Variants in MAN2A1 observed in about 807,000 individuals in gnomAD.
MAN2A1 encodes the protein alpha-mannosidase 2.
MAN2A1 carries 76 observed loss-of-function variants against 142.6 expected under a neutral mutation model. The ratio of observed to expected loss-of-function variants is 0.53; its 90% CI spans 0.44 to 0.65. The LOEUF is 0.65. MAN2A1 is among the 30% of genes least tolerant of loss of function. The probability of loss-of-function intolerance (pLI) is 0.00; values close to 1 mark genes in which losing one functional copy is unlikely to be tolerated. For missense variants in MAN2A1, 1,311 were observed against 1,365.1 expected (o/e 0.96, Z 0.62); for synonymous variants, 559 against 473.2 (o/e 1.18, Z -2.35).
chr5:109,749,829 C>A (rs1752499954), intron 4 of MAN2A1, among the ~76,000 whole-genome samples: 1 of 151,954 alleles, frequency 6.6e-6, no homozygotes, highest in African/African-American at 2.4e-5. Context: ...ACCTGTTGAA[C>A]ACTGTGAATG....
chr5:109,773,679 T>G (rs1208077721), intron 7 of MAN2A1, among the ~76,000 whole-genome samples: 1 of 152,136 alleles, frequency 6.6e-6, no homozygotes, highest in Non-Finnish European at 1.5e-5. Context: ...TGCTAAAATT[T>G]TATATTTGCA....
intron 1 of MAN2A1, among the ~76,000 whole-genome samples, chr5:109,709,033 G>A (rs1751220914): frequency 6.6e-6 from 1 of 152,188 alleles, no homozygotes; most frequent in African/African-American, 2.4e-5. Context: ...ACTTTGAGTA[G>A]ATAAAGGATG....
chr5:109,856,190 T>C (rs545643653), intron 20 of MAN2A1, among the ~76,000 whole-genome samples: 15 of 152,192 alleles, frequency 9.9e-5, no homozygotes, highest in Non-Finnish European at 1.9e-4. Context: ...TTTTTTTCTT[T>C]ATAGATTTTT....
At chr5:109,760,875 T>C (rs554620567) in intron 5 of MAN2A1, among the ~76,000 whole-genome samples, 2 of 152,226 alleles carry the variant, frequency 1.3e-5, no homozygotes, top group East Asian at 3.9e-4. Context: ...TTTTATTCTT[T>C]ATTAGTCTTA....
At chr5:109,729,059 T>C (rs1751826329) in intron 3 of MAN2A1, among the ~76,000 whole-genome samples, 1 of 152,220 alleles carries the variant, frequency 6.6e-6, no homozygotes, top group African/African-American at 2.4e-5. Flanking sequence ...ATTATTAAAA[T>C]ATAAATAACT....
chr5:109,753,303 A>G (rs1582861235), intron 4 of MAN2A1, among the ~76,000 whole-genome samples: 1 of 152,220 alleles, frequency 6.6e-6, no homozygotes, highest in Admixed American at 6.5e-5. Flanking sequence ...GATAAGAAAA[A>G]GAACTAATTG....
intron 20 of MAN2A1, among the ~76,000 whole-genome samples, chr5:109,860,594 A>G (rs1237502456): frequency 1.3e-5 from 2 of 152,200 alleles, no homozygotes; most frequent in African/African-American, 2.4e-5. Flanking sequence ...GTGGTTGCAC[A>G]CATAATGTTT....
At chr5:109,703,927 A>G (rs1454252823) in intron 1 of MAN2A1, among the ~76,000 whole-genome samples, 1 of 152,226 alleles carries the variant, frequency 6.6e-6, no homozygotes, top group Non-Finnish European at 1.5e-5. Flanking sequence ...AGATAGGGCC[A>G]TATGGTTCTA....
At chr5:109,840,643 A>T in intron 16 of MAN2A1, 1 of 461,542 alleles carries the variant, frequency 2.2e-6, no homozygotes, top group South Asian at 1.6e-5. Context: ...TGGGACGTTT[A>T]AACACATTTT....
chr5:109,824,613 C>T (rs567789594), intron 16 of MAN2A1, among the ~76,000 whole-genome samples: 30 of 152,242 alleles, frequency 2.0e-4, no homozygotes, highest in African/African-American at 7.0e-4. Flanking sequence ...TTTATCTTTG[C>T]TGTTAGCTAA....
At chr5:109,779,795 ACT>A (rs1438050513) in intron 8 of MAN2A1, among the ~76,000 whole-genome samples, 2 of 152,060 alleles carry the variant, frequency 1.3e-5, no homozygotes, top group African/African-American at 2.4e-5. Context: ...GCCCAAGATC[ACT>A]CTCTGTTTGG....
intron 16 of MAN2A1, among the ~76,000 whole-genome samples, chr5:109,825,113 A>G (rs1041921454): frequency 5.3e-5 from 8 of 152,180 alleles, no homozygotes; most frequent in African/African-American, 1.2e-4. Context: ...ATAATCTTCT[A>G]TTGAGTTTCT....
intron 4 of MAN2A1, among the ~76,000 whole-genome samples, chr5:109,739,526 G>A (rs1752205548): frequency 6.6e-6 from 1 of 152,088 alleles, no homozygotes; most frequent in South Asian, 2.1e-4. Context: ...CAGTACTCTG[G>A]TATTGAGTCT....
Position 109,690,314 on chromosome 5 carries a change from G to C in MAN2A1, c.-104G>C. ...CCGCATCCGAGAGCGCGGAGGTCGC[G>C]CAGCCCGGGAGAAGGGAGCCTCCGG... On this transcript the variant is annotated 5_prime_UTR_variant, in exon 1 of 22. Coordinates refer to ENST00000261483, the MANE Select transcript of MAN2A1 (RefSeq NM_002372.4). 1 of 1,277,276 alleles carries C rather than the reference G, an allele frequency of 7.8e-7. No homozygotes were observed. The highest frequency in any genetic ancestry group is 2.4e-5 in the East Asian group (1 of 42,394). 79.1% of individuals were successfully genotyped at this position (1,277,276 alleles called of 1,614,324 possible). A position where few individuals can be genotyped will look rare whatever the true frequency, so the allele number is the denominator to read the frequency against.
chr5:109,705,530 G>A (rs1751106302), intron 1 of MAN2A1, among the ~76,000 whole-genome samples: 1 of 152,104 alleles, frequency 6.6e-6, no homozygotes, highest in Non-Finnish European at 1.5e-5. Flanking sequence ...CTCTGATGAT[G>A]GAGATTTGGG....
intron 17 of MAN2A1, among the ~76,000 whole-genome samples, chr5:109,845,022 G>A (rs1755311142): frequency 6.6e-6 from 1 of 152,198 alleles, no homozygotes; most frequent in Non-Finnish European, 1.5e-5. Flanking sequence ...GATCACATTT[G>A]TGAAATACTC....
At chr5:109,808,315 A>T (rs1754225883) in intron 12 of MAN2A1, among the ~76,000 whole-genome samples, 1 of 152,190 alleles carries the variant, frequency 6.6e-6, no homozygotes, top group African/African-American at 2.4e-5. Context: ...TTTACATCCA[A>T]AGCTATTAAA....
At chr5:109,818,084 T>C (rs1318146290) in intron 13 of MAN2A1, among the ~76,000 whole-genome samples, 1 of 152,162 alleles carries the variant, frequency 6.6e-6, no homozygotes, top group Non-Finnish European at 1.5e-5. Flanking sequence ...AGCCATAAAC[T>C]AGGAACTCTA....
In MAN2A1 at chr5:109,713,612, C is replaced by T; in HGVS notation, c.228C>T (p.Val76=). ...NEIISNIRDS[V]INLSESVEDG... ...TCATCTCAAATATTAGAGACTCAGT[C>T]ATCAATTTGAGTGAGTCTGTGGAGG... The change falls in exon 2 of 22, where the codon GTC becomes GTT. Residue 76 remains valine, a synonymous_variant. Transcript: ENST00000261483. 1 of 1,614,106 alleles carries T rather than the reference C, an allele frequency of 6.2e-7. No homozygotes were observed. Among genetic ancestry groups the T allele is most frequent in the South Asian group, 1.1e-5 (1 of 91,082 alleles).
Sources: gnomAD v4.1 joint callset for allele counts (sites outside exome capture counted in the v4.1 genomes callset) on GRCh38, gnomAD v4.1.1 for gene constraint, MANE v1.5 for transcripts, NCBI Gene and HGNC (gene_info 2026-07-23, HGNC 2026-07-21) for gene names.